The following CERKL variants were observed in gnomAD, a reference collection of about 807,000 sequenced individuals.
The protein encoded by CERKL is CERK like autophagy regulator.
CERKL carries 61 observed loss-of-function variants against 63.4 expected under a neutral mutation model. That is an observed-to-expected ratio of 0.96 (90% CI 0.78 to 1.19). The LOEUF (loss-of-function observed/expected upper bound fraction) is 1.19, where lower values mean the gene tolerates loss of function less well. CERKL is among the 50% of genes most tolerant of loss of function. The probability of loss-of-function intolerance (pLI) is 0.00; values close to 1 mark genes in which losing one functional copy is unlikely to be tolerated. For missense variants in CERKL, 675 were observed against 655.5 expected, an observed-to-expected ratio of 1.03 and a Z score of -0.33; for synonymous variants, 250 against 230.5, an observed-to-expected ratio of 1.08 and a Z score of -0.77.
At chr2:181,548,054 T>C (rs937839125) in intron 8 of CERKL, 1 of 613,722 alleles carries the variant, frequency 1.6e-6, no homozygotes, top group Non-Finnish European at 2.9e-6. Flanking sequence ...AAACTAGTAT[T>C]ATAAGGAATA....
At chr2:181,549,948 T>C (rs1421545275) in intron 5 of CERKL, among the ~76,000 whole-genome samples, 1 of 152,150 alleles carries the variant, frequency 6.6e-6, no homozygotes, top group Admixed American at 6.6e-5. Flanking sequence ...AAAAATAGTT[T>C]ATAGTAACCG....
At chr2:181,655,833 C>A (rs949833984) in intron 1 of CERKL, among the ~76,000 whole-genome samples, 1 of 152,186 alleles carries the variant, frequency 6.6e-6, no homozygotes, top group African/African-American at 2.4e-5. Context: ...AGTAGAGTAA[C>A]CTTGATGTAG....
intron 2 of CERKL, among the ~76,000 whole-genome samples, chr2:181,587,424 CGAA>C (rs1483493139): frequency 6.6e-6 from 1 of 151,998 alleles, no homozygotes; most frequent in South Asian, 2.1e-4. Context: ...AAGAGAACAG[CGAA>C]GAAGAAAAAT....
At chr2:181,581,006 T>A (rs1261460824) in intron 2 of CERKL, among the ~76,000 whole-genome samples, 3 of 152,190 alleles carry the variant, frequency 2.0e-5, no homozygotes, top group African/African-American at 7.2e-5. Flanking sequence ...AGGTACTCAC[T>A]CATTTTACCC....
chr2:181,637,009 G>T (rs970759119), intron 1 of CERKL, among the ~76,000 whole-genome samples: 10 of 152,018 alleles, frequency 6.6e-5, no homozygotes, highest in Non-Finnish European at 1.3e-4. Context: ...CCCCATAATT[G>T]GTGCTCCCTA....
chr2:181,649,868 C>T (rs1687833175), intron 1 of CERKL: 1 of 152,198 alleles, frequency 6.6e-6, no homozygotes, highest in Non-Finnish European at 1.5e-5. Flanking sequence ...CGAAAGCCAT[C>T]TCTACTAAAC....
At chr2:181,554,035 C>T (rs1688099576) in intron 5 of CERKL, among the ~76,000 whole-genome samples, 1 of 151,980 alleles carries the variant, frequency 6.6e-6, no homozygotes, top group African/African-American at 2.4e-5. Context: ...TTTCTTAACA[C>T]TACCAGAAAC....
intron 2 of CERKL, among the ~76,000 whole-genome samples, chr2:181,592,821 G>A (rs1209645470): frequency 2.6e-5 from 4 of 152,260 alleles, no homozygotes; most frequent in South Asian, 2.1e-4. Flanking sequence ...TGTTGGTAAT[G>A]TGAAACACAG....
chr2:181,641,449 A>C (rs1398801414), intron 1 of CERKL, among the ~76,000 whole-genome samples: 10 of 151,138 alleles, frequency 6.6e-5, no homozygotes, highest in Admixed American at 5.9e-4. Context: ...TCAGCCTCCC[A>C]AAGTACTAGG....
chr2:181,539,951 A>T (rs749289829), intron 11 of CERKL, among the ~76,000 whole-genome samples: 1 of 152,218 alleles, frequency 6.6e-6, no homozygotes, highest in Non-Finnish European at 1.5e-5. Flanking sequence ...ACTTGAGCAG[A>T]AATGTATAAC....
At chr2:181,593,182 A>G (rs1685059157) in intron 2 of CERKL, among the ~76,000 whole-genome samples, 1 of 152,190 alleles carries the variant, frequency 6.6e-6, no homozygotes, top group Admixed American at 6.6e-5. Flanking sequence ...AAAGCTAGGG[A>G]CCAAACCCAG....
chr2:181,565,171 G>T (rs1463482102), intron 4 of CERKL, among the ~76,000 whole-genome samples: 2 of 152,194 alleles, frequency 1.3e-5, no homozygotes, highest in East Asian at 3.9e-4. Context: ...TCAGTCTTTG[G>T]GAAGGTTAAT....
chr2:181,646,639 C>G (rs544924772), intron 1 of CERKL, among the ~76,000 whole-genome samples: 2 of 152,302 alleles, frequency 1.3e-5, no homozygotes, highest in African/African-American at 4.8e-5. Flanking sequence ...GGGACTCCAC[C>G]ATTTGGCAGG....
At chr2:181,572,166 C>T (rs541655335) in intron 3 of CERKL, among the ~76,000 whole-genome samples, 9 of 152,188 alleles carry the variant, frequency 5.9e-5, no homozygotes, top group African/African-American at 2.2e-4. Context: ...GCCTGACTTC[C>T]TTCCCTCATT....
At chr2:181,576,636 ACT>A (rs895856495) in intron 2 of CERKL, among the ~76,000 whole-genome samples, 3 of 152,146 alleles carry the variant, frequency 2.0e-5, no homozygotes, top group Non-Finnish European at 4.4e-5. Context: ...TGAAAGAAAC[ACT>A]CTGGCTGCTT....
At chr2:181,546,259 T>A (rs971237952) in intron 10 of CERKL, among the ~76,000 whole-genome samples, 5 of 152,174 alleles carry the variant, frequency 3.3e-5, no homozygotes, top group African/African-American at 1.2e-4. Flanking sequence ...TTGAAGGAGC[T>A]ATGAATCGAT....
chr2:181,651,752 A>C (rs570776059), intron 1 of CERKL, among the ~76,000 whole-genome samples: 4 of 152,306 alleles, frequency 2.6e-5, no homozygotes, highest in African/African-American at 9.6e-5. Flanking sequence ...AGAAGATATG[A>C]TCTTATAGAT....
chr2:181,565,946 T>G (rs922937317), intron 4 of CERKL, 112 bp downstream of exon 4: 5 of 731,822 alleles, frequency 6.8e-6, no homozygotes, highest in Non-Finnish European at 1.2e-5. Context: ...AGAGCCAAAG[T>G]ACATACACTA....
chr2:181,592,688 AT>A (rs1490511342), intron 2 of CERKL, among the ~76,000 whole-genome samples: 1 of 152,202 alleles, frequency 6.6e-6, no homozygotes, highest in Non-Finnish European at 1.5e-5. Context: ...GGTTAAGAAC[AT>A]GGACTGTGGG....
Sources: gnomAD v4.1 joint callset for allele counts (sites outside exome capture counted in the v4.1 genomes callset) on GRCh38, gnomAD v4.1.1 for gene constraint, MANE v1.5 for transcripts, NCBI Gene and HGNC (gene_info 2026-07-23, HGNC 2026-07-21) for gene names.